The following ARHGAP45 variants were observed in gnomAD, a reference collection of about 807,000 sequenced individuals.
ARHGAP45 encodes the protein Rho GTPase activating protein 45.
In ARHGAP45, 56 loss-of-function variants were observed where a neutral mutation model predicts 116.1. The observed-to-expected ratio is 0.48, with a 90% CI of 0.39 to 0.60. The LOEUF is 0.60. Among genes scored for constraint, ARHGAP45 ranks in the 20% least tolerant of loss-of-function variants. The probability of loss-of-function intolerance (pLI) is 0.00; values close to 1 mark genes in which losing one functional copy is unlikely to be tolerated. For synonymous variants in ARHGAP45, 866 were observed against 701.7 expected, an observed-to-expected ratio of 1.23 and a Z score of -3.70; for missense variants, 1,622 against 1,601.0, an observed-to-expected ratio of 1.01 and a Z score of -0.22.
In ARHGAP45 at chr19:1,069,680, G is replaced by T. The variant is rs2043102657; in HGVS notation, c.421+936G>T. 6.6e-6 allele frequency among the ~76,000 whole-genome samples: 1 copy of T among 152,180 alleles called. No individual in the cohort carries two copies. The highest frequency in any genetic ancestry group is 2.4e-5 in the African/African-American group (1 of 41,452). On this transcript the variant is annotated intron_variant, in intron 2 of 22. Transcript: ENST00000313093. This position sits in a 1 kb window ranked among gnomAD's most constrained non-coding sequence, Gnocchi z 4.1. ...GGGTTATCTGGTCCCAGGGGCGGGG[G>T]CTAGGCTGCTTTCCTGGGGAAACCC...
rs1186266178 is a variant in ARHGAP45 at position 1,068,265 on chromosome 19, C to G, written c.91-149C>G. ...GGTAACAGGTGGGGGGGTACACTAC[C>G]AAATCTCGGCCCTGTGACCTCTGGC... On this transcript the variant is annotated intron_variant, in intron 1 of 22. Coordinates refer to ENST00000313093, the MANE Select transcript of ARHGAP45 (RefSeq NM_012292.5). The surrounding 1 kb of genome is among the most constrained non-coding windows in gnomAD (Gnocchi z 7.5). 7.8e-6 allele frequency: 5 copies of G among 641,202 alleles called. No homozygotes were observed. The highest frequency in any genetic ancestry group is 6.1e-5 in the South Asian group (3 of 48,794). The allele number at this position is 641,202 out of a possible 1,614,324, so 39.7% of individuals were successfully genotyped here. A position where few individuals can be genotyped will look rare whatever the true frequency, so the allele number is the denominator to read the frequency against.
chr19:1,077,376 T>A (rs2043279618), intron 10 of ARHGAP45: 2 of 390,762 alleles, frequency 5.1e-6, no homozygotes, highest in Non-Finnish European at 6.8e-6. Context: ...CTCCCGTTCT[T>A]TTTTTTTTTT....
Position 1,074,124 on chromosome 19 carries a change from G to A in ARHGAP45, c.811G>A (p.Val271Met). The change falls in exon 7 of 23, where the codon GTG (valine) becomes ATG (methionine). Residue 271 changes from valine (V) to methionine (M), a missense_variant. Physicochemically the swap from Val to Met is conservative, Grantham distance 21. This residue lies in a region of ARHGAP45 where 1,334 missense variants were observed against 1,263.8 expected (regional missense o/e 1.06). Coordinates refer to ENST00000313093, the MANE Select transcript of ARHGAP45 (RefSeq NM_012292.5). ...TGCAGGCTGCCTGCCCGCCGAGGAG[G>A]TGGACGTGCTGCTACAGCGCTGTGA... Reference protein sequence around the residue: ...CDAGCLPAEEVDVLLQRCEGG... With the variant: ...CDAGCLPAEEMDVLLQRCEGG... 3 of 1,613,012 alleles carry A rather than the reference G, an allele frequency of 1.9e-6. No homozygotes were observed. The South Asian group carries it at 3.3e-5, about 18-fold the overall frequency.
rs771154850 is a variant in ARHGAP45 at position 1,067,427 on chromosome 19, G to C, written c.22G>C (p.Glu8Gln). 1 of 1,601,466 alleles carries C rather than the reference G, an allele frequency of 6.2e-7. No individual in the cohort carries two copies. Among genetic ancestry groups the C allele is most frequent in the Non-Finnish European group, 8.5e-7 (1 of 1,174,598 alleles). MFSRKKR[E>Q]LMKTPSISKK... ...CATCATGTTCTCCAGGAAGAAACGA[G>C]AGCTCATGAAAACCCCTTCCATCTC... The change falls in exon 1 of 23, where the codon GAG (glutamate) becomes CAG (glutamine). Residue 8 changes from glutamate to glutamine, a missense_variant. This residue lies in a region of ARHGAP45 where 279 missense variants were observed against 311.9 expected (regional missense o/e 0.89). Coordinates refer to ENST00000313093, the MANE Select transcript of ARHGAP45 (RefSeq NM_012292.5).
chr19:1,081,893 G>A lies in ARHGAP45; in HGVS notation c.2449G>A (p.Glu817Lys). 1.2e-6 allele frequency: 2 copies of A among 1,613,190 alleles called. No individual in the cohort carries two copies. The highest frequency in any genetic ancestry group is 1.7e-6 in the Non-Finnish European group (2 of 1,179,918). The change falls in exon 19 of 23, where the codon GAG becomes AAG. Residue 817 changes from glutamate to lysine, a missense_variant. By Grantham distance (56) the Glu-to-Lys change is moderately conservative (BLOSUM62 1). Coordinates refer to ENST00000313093, the MANE Select transcript of ARHGAP45 (RefSeq NM_012292.5). ...GTGCCAGGCCTTCGAGAACGGCAAG[G>A]AGCTGGTCGAGCTGTCGCAGGCCTC... Reference protein sequence around the residue: ...KLCQAFENGKELVELSQASPH... With the variant: ...KLCQAFENGKKLVELSQASPH...
Position 1,073,203 on chromosome 19 carries a change from G to C in ARHGAP45, c.476G>C (p.Arg159Pro), listed in dbSNP as rs2043172638. The change falls in exon 3 of 23, where the codon CGT becomes CCT. Residue 159 changes from arginine (R) to proline (P), a missense_variant. Coordinates refer to ENST00000313093, the MANE Select transcript of ARHGAP45 (RefSeq NM_012292.5). The part of the protein sequence containing the change: ...RAHECLGEAL[R>P]VMHQIISKYP... ...CACGAGTGCCTGGGTGAGGCTCTGCGTGTCATGCATCAGATCATCTCCAAG... is the reference window on the plus strand; with the variant it reads ...CACGAGTGCCTGGGTGAGGCTCTGCCTGTCATGCATCAGATCATCTCCAAG... 1 of 1,612,900 alleles carries C rather than the reference G, an allele frequency of 6.2e-7. No individual in the cohort carries two copies. Among genetic ancestry groups the C allele is most frequent in the Non-Finnish European group, 8.5e-7 (1 of 1,180,006 alleles).
In ARHGAP45 at chr19:1,080,450, G is replaced by A; in HGVS notation, c.1829-14G>A. 1.2e-6 allele frequency: 2 copies of A among 1,612,406 alleles called. No individual in the cohort carries two copies. Among genetic ancestry groups the A allele is most frequent in the African/African-American group, 1.3e-5 (1 of 75,044 alleles). ...CCCACCCTGGCCCTTCACCAGAGAC[G>A]CCTCTTTCTCCAGCCGGGCGAGGAC... On this transcript the variant is annotated splice_polypyrimidine_tract_variant and intron_variant, in intron 14 of 22. Transcript: ENST00000313093.
In ARHGAP45 at chr19:1,085,978, G is replaced by A. The variant is rs1568493366; in HGVS notation, c.3383G>A (p.Cys1128Tyr). Residue 1128 changes from cysteine (C) to tyrosine (Y), a missense_variant, in exon 23 of 23, where the codon TGC becomes TAC. Physicochemically the swap from Cys to Tyr is radical, Grantham distance 194. Coordinates refer to ENST00000313093, the MANE Select transcript of ARHGAP45 (RefSeq NM_012292.5). The part of the protein sequence containing the change: ...LRGGRMTLGS[C>Y]RERQPEFV ...GGCGGGCGGATGACACTGGGCTCCT[G>A]CAGGGAAAGGCAGCCGGAATTCGTG... is the stretch of plus-strand genomic sequence containing the variant. 2 of 1,612,444 alleles carry A rather than the reference G, an allele frequency of 1.2e-6. No individual in the cohort carries two copies. Among genetic ancestry groups the A allele is most frequent in the African/African-American group, 1.3e-5 (1 of 74,910 alleles).
chr19:1,073,421 T>C, intron 3 of ARHGAP45, 85 bp from the exon 4 acceptor site: 1 of 1,563,974 alleles, frequency 6.4e-7, no homozygotes, highest in East Asian at 2.3e-5. Flanking sequence ...CTGTTCCCCC[T>C]GGGTTAAGGG....
intron 1 of ARHGAP45, 165 bp downstream of exon 1, chr19:1,067,660 G>A (rs1168478757): frequency 5.4e-6 from 4 of 744,230 alleles, no homozygotes; most frequent in Non-Finnish European, 9.5e-6. Flanking sequence ...CCGGGACCCC[G>A]GCATTCAGCT....
intron 18 of ARHGAP45, 38 bp downstream of exon 18, chr19:1,081,776 G>A (rs1172940168): frequency 6.4e-7 from 1 of 1,571,216 alleles, no homozygotes; most frequent in South Asian, 1.1e-5. Context: ...GCGAGGAGGC[G>A]GGAGTGGGCC....
chr19:1,066,215 G>A, upstream of ARHGAP45: 1 of 1,497,928 alleles, frequency 6.7e-7, no homozygotes, highest in Non-Finnish European at 9.0e-7. Context: ...TTTGGGATTG[G>A]GGGTGGGGTT....
intron 22 of ARHGAP45, 40 bp downstream of exon 22, chr19:1,084,386 G>A (rs756208130): frequency 1.3e-6 from 2 of 1,518,188 alleles, no homozygotes; most frequent in Non-Finnish European, 9.0e-7. Context: ...AGGGAGGCTG[G>A]CGTGTGCCAC....
Position 1,074,392 on chromosome 19 carries a change from G to A in ARHGAP45, c.978G>A (p.Gln326=). The change falls in exon 8 of 23, where the codon CAG becomes CAA. Residue 326 remains glutamine, a synonymous_variant. Coordinates refer to ENST00000313093, the MANE Select transcript of ARHGAP45 (RefSeq NM_012292.5). ...GLQKIAHNCR[Q]SVMQEPHMPL... Reference sequence around the variant, plus strand: ...AGAAGATCGCTCACAACTGCAGACAGAGCGTCATGCAGGAGGTGGGGGCCC... The same window carrying A: ...AGAAGATCGCTCACAACTGCAGACAAAGCGTCATGCAGGAGGTGGGGGCCC... 3.8e-6 allele frequency: 6 copies of A among 1,581,990 alleles called. No homozygotes were observed. Among genetic ancestry groups the A allele is most frequent in the South Asian group, 2.3e-5 (2 of 87,508 alleles).
intron 17 of ARHGAP45, 97 bp downstream of exon 17, chr19:1,081,161 G>T: frequency 7.4e-7 from 1 of 1,347,200 alleles, no homozygotes; most frequent in Non-Finnish European, 1.0e-6. Flanking sequence ...GTCCGGCCCA[G>T]AGCAGGGAGC....
In ARHGAP45 at chr19:1,080,137, C is replaced by T. The variant is rs767697194; in HGVS notation, c.1703+19C>T. 6.2e-7 allele frequency: 1 copy of T among 1,611,160 alleles called. No homozygotes were observed. The highest frequency in any genetic ancestry group is 1.1e-5 in the South Asian group (1 of 91,022). On this transcript the variant is annotated intron_variant, in intron 13 of 22. Coordinates refer to ENST00000313093, the MANE Select transcript of ARHGAP45 (RefSeq NM_012292.5). Reference sequence around the variant, plus strand: ...ACGCCTGGTACCGCCACCCAGCTGCCCTGTCCCCGGCGCACAAGGCCCTGC... The same window carrying T: ...ACGCCTGGTACCGCCACCCAGCTGCTCTGTCCCCGGCGCACAAGGCCCTGC...
chr19:1,074,574 C>G, intron 8 of ARHGAP45, 40 bp from the exon 9 acceptor site: 1 of 1,501,826 alleles, frequency 6.7e-7, no homozygotes, highest in Non-Finnish European at 9.0e-7. Context: ...CGCCCTGCCT[C>G]CATCCCTCCC....
intron 10 of ARHGAP45, 103 bp from the exon 11 acceptor site, chr19:1,077,749 GGGGCC>G: frequency 2.0e-6 from 3 of 1,535,274 alleles, no homozygotes; most frequent in Non-Finnish European, 2.6e-6. Context: ...GCTGGGCCAT[GGGGCC>G]TTGCTGAGAG....
intron 19 of ARHGAP45, chr19:1,082,409 G>A: frequency 3.2e-6 from 1 of 308,796 alleles, no homozygotes; most frequent in Admixed American, 4.9e-5. Flanking sequence ...GTGGGGCCTG[G>A]GCTTGGTGGG....
Sources: gnomAD v4.1 joint callset for allele counts (sites outside exome capture counted in the v4.1 genomes callset) on GRCh38, gnomAD v4.1.1 for gene constraint, gnomAD v4.1.1 regional missense constraint, Gnocchi (gnomAD v3.1) non-coding constraint, MANE v1.5 for transcripts, NCBI Gene and HGNC (gene_info 2026-07-23, HGNC 2026-07-21) for gene names.